Variants in STMN2 observed in about 807,000 individuals in gnomAD.
STMN2 encodes the protein stathmin-2.
STMN2 carries 2 observed loss-of-function variants against 24.1 expected under a neutral mutation model. The observed-to-expected ratio is 0.08, with a 90% CI of 0.03 to 0.26. STMN2 has a LOEUF of 0.26. STMN2 is among the 10% of genes least tolerant of loss of function. The pLI, the probability that STMN2 is intolerant of heterozygous loss-of-function variation, is 1.00. For missense variants in STMN2, 114 were observed against 213.6 expected, an observed-to-expected ratio of 0.53 and a Z score of 2.91; for synonymous variants, 83 against 77.5, an observed-to-expected ratio of 1.07 and a Z score of -0.37.
intron 1 of STMN2, among the ~76,000 whole-genome samples, chr8:79,621,878 C>T (rs958306718): frequency 4.6e-5 from 7 of 152,206 alleles, no homozygotes; most frequent in African/African-American, 1.7e-4. Context: ...ATGGTACAAA[C>T]TCTGCTTAGA....
At chr8:79,654,588 C>CT (rs1296171363) in intron 3 of STMN2, among the ~76,000 whole-genome samples, 1 of 152,004 alleles carries the variant, frequency 6.6e-6, no homozygotes, top group African/African-American at 2.4e-5. Flanking sequence ...GCAACAAAGC[C>CT]TTTTTTTAAA....
At chr8:79,650,348 AAAGT>A (rs928633475) in intron 3 of STMN2, among the ~76,000 whole-genome samples, 1 of 152,188 alleles carries the variant, frequency 6.6e-6, no homozygotes, top group African/African-American at 2.4e-5. Context: ...GTCAAGATAT[AAAGT>A]AAGAATACCT....
intron 1 of STMN2, among the ~76,000 whole-genome samples, chr8:79,633,811 T>C (rs1809872451): frequency 6.6e-6 from 1 of 152,224 alleles, no homozygotes; most frequent in African/African-American, 2.4e-5. Flanking sequence ...ATAGTAATGA[T>C]TACTCATTAT....
intron 1 of STMN2, among the ~76,000 whole-genome samples, chr8:79,622,972 C>T (rs1025338503): frequency 1.3e-5 from 2 of 152,142 alleles, no homozygotes; most frequent in Non-Finnish European, 2.9e-5. Context: ...TGCCACCTCC[C>T]AGTCTTCTCC....
Position 79,628,701 on chromosome 8 carries a change from C to T in STMN2, c.20-8101C>T, listed in dbSNP as rs1334553156. ...ATATAACTGCTGGACATTAATATGC[C>T]TTCCTTTGAGAACTGTGTATACAGG... On this transcript the variant is annotated intron_variant, in intron 1 of 4. Coordinates refer to ENST00000220876, the MANE Select transcript of STMN2 (RefSeq NM_007029.4). 2.0e-5 allele frequency among the ~76,000 whole-genome samples: 3 copies of T among 152,218 alleles called. No homozygotes were observed. In the East Asian group the frequency reaches 5.8e-4, roughly 29 times the overall value.
intron 4 of STMN2, among the ~76,000 whole-genome samples, chr8:79,661,207 T>G (rs1374123824): frequency 6.6e-6 from 1 of 152,074 alleles, no homozygotes; most frequent in East Asian, 1.9e-4. Flanking sequence ...CTACTTTCAG[T>G]TCTTTATGTT....
chr8:79,641,374 T>C lies in STMN2; in HGVS notation c.116-4T>C. 1 of 1,612,020 alleles carries C rather than the reference T, an allele frequency of 6.2e-7. No individual in the cohort carries two copies. The highest frequency in any genetic ancestry group is 8.5e-7 in the Non-Finnish European group (1 of 1,179,388). On this transcript the variant is annotated splice_region_variant and splice_polypyrimidine_tract_variant and intron_variant, in intron 2 of 4. Coordinates refer to ENST00000220876, the MANE Select transcript of STMN2 (RefSeq NM_007029.4). ...CTTAACATTCTCAAATGTTCACTTT[T>C]CAGATATGGAAGTGAAGCAAATCAA...
At chr8:79,663,030 C>T (rs1436140451) in intron 4 of STMN2, among the ~76,000 whole-genome samples, 1 of 152,064 alleles carries the variant, frequency 6.6e-6, no homozygotes, top group Admixed American at 6.6e-5. Context: ...TCTATGCATG[C>T]CTCTTTCCTT....
chr8:79,633,721 G>C (rs1344584609), intron 1 of STMN2, among the ~76,000 whole-genome samples: 2 of 152,114 alleles, frequency 1.3e-5, no homozygotes, highest in African/African-American at 4.8e-5. Flanking sequence ...ACTCTCCAAA[G>C]ACCCCACCTC....
In STMN2 at chr8:79,611,671, G is replaced by C. The variant is rs552339782; in HGVS notation, c.19+457G>C. 47 of 610,012 alleles carry C rather than the reference G, an allele frequency of 7.7e-5. No homozygotes were observed. In the East Asian group the frequency reaches 1.8e-3, roughly 23 times the overall value. 37.8% of individuals were successfully genotyped at this position (610,012 alleles called of 1,614,324 possible). On this transcript the variant is annotated intron_variant, in intron 1 of 4. Transcript: ENST00000220876. Reference sequence around the variant, plus strand: ...AAAAAGAAAATTGCAAAGTCAAAGCGGTCCCATCCCGCTGTTTGAAAGATG... The same window carrying C: ...AAAAAGAAAATTGCAAAGTCAAAGCCGTCCCATCCCGCTGTTTGAAAGATG...
At chr8:79,627,576 C>A (rs1041221665) in intron 1 of STMN2, among the ~76,000 whole-genome samples, 1 of 152,154 alleles carries the variant, frequency 6.6e-6, no homozygotes, top group Non-Finnish European at 1.5e-5. Context: ...CAAAAATAGA[C>A]CTTGCATGTA....
intron 1 of STMN2, among the ~76,000 whole-genome samples, chr8:79,614,161 C>T (rs1304366965): frequency 1.3e-5 from 2 of 152,084 alleles, no homozygotes; most frequent in African/African-American, 2.4e-5. Context: ...CGCAAGCATC[C>T]TTTCTGGCCA....
intron 1 of STMN2, among the ~76,000 whole-genome samples, chr8:79,625,247 T>C (rs1194651356): frequency 6.6e-6 from 1 of 152,236 alleles, no homozygotes; most frequent in South Asian, 2.1e-4. Context: ...CCCAACTATA[T>C]TGATGACTTC....
intron 1 of STMN2, among the ~76,000 whole-genome samples, chr8:79,624,650 T>C (rs955330181): frequency 6.6e-6 from 1 of 152,154 alleles, no homozygotes; most frequent in African/African-American, 2.4e-5. Flanking sequence ...AAAGTATACA[T>C]TTCATCCCTT....
intron 1 of STMN2, chr8:79,621,066 T>A (rs1198358600): frequency 2.1e-6 from 2 of 975,594 alleles, no homozygotes; most frequent in African/African-American, 1.8e-5. Flanking sequence ...TAAGTCCCCA[T>A]CAGCTCTGCC....
intron 1 of STMN2, among the ~76,000 whole-genome samples, chr8:79,625,515 T>A (rs1809630925): frequency 6.6e-6 from 1 of 152,226 alleles, no homozygotes; most frequent in Non-Finnish European, 1.5e-5. Context: ...ATGCACAGTC[T>A]TCTTAGACAT....
chr8:79,637,440 C>T (rs1352104394), intron 2 of STMN2, among the ~76,000 whole-genome samples: 1 of 152,158 alleles, frequency 6.6e-6, no homozygotes, highest in Non-Finnish European at 1.5e-5. Context: ...AAAGAATTAG[C>T]ATGGCAATTA....
intron 1 of STMN2, among the ~76,000 whole-genome samples, chr8:79,635,652 GGAA>G (rs1242333756): frequency 6.6e-6 from 1 of 152,148 alleles, no homozygotes; most frequent in Non-Finnish European, 1.5e-5. Flanking sequence ...AATTAACACA[GGAA>G]CAGAAAACCA....
At chr8:79,617,012 C>T (rs1809396570) in intron 1 of STMN2, among the ~76,000 whole-genome samples, 1 of 152,162 alleles carries the variant, frequency 6.6e-6, no homozygotes, top group South Asian at 2.1e-4. Context: ...TTATGAATAG[C>T]AATACTGAAG....
Sources: gnomAD v4.1 joint callset for allele counts (sites outside exome capture counted in the v4.1 genomes callset) on GRCh38, gnomAD v4.1.1 for gene constraint, MANE v1.5 for transcripts, NCBI Gene and HGNC (gene_info 2026-07-23, HGNC 2026-07-21) for gene names.